SMC3: variants seen among roughly 807,000 people sequenced by gnomAD.
SMC3 encodes structural maintenance of chromosomes protein 3.
Under a neutral mutation model 171.8 loss-of-function variants are expected in SMC3, and 20 were observed. The observed-to-expected ratio is 0.12, with a 90% CI of 0.08 to 0.17. SMC3 has a LOEUF of 0.17. SMC3 is among the 10% of genes least tolerant of loss of function. SMC3 has a pLI of 1.00. For synonymous variants in SMC3, 464 were observed against 451.1 expected (o/e 1.03, Z -0.36); for missense variants, 543 against 1,420.4 (o/e 0.38, Z 9.93).
intron 3 of SMC3, among the ~76,000 whole-genome samples, chr10:110,574,492 G>A (rs967977621): frequency 1.3e-5 from 2 of 152,186 alleles, no homozygotes; most frequent in African/African-American, 4.8e-5. Context: ...TATCTCTTCT[G>A]TGCACACGAA....
At chr10:110,583,983 A>T (rs751697443) in intron 12 of SMC3, 21 bp downstream of exon 12, 10 of 1,612,570 alleles carry the variant, frequency 6.2e-6, no homozygotes, top group Non-Finnish European at 8.5e-6. Flanking sequence ...TTTCACCAAC[A>T]CTTTAACTTT....
intron 7 of SMC3, 83 bp downstream of exon 7, chr10:110,578,789 T>C (rs1309932885): frequency 9.0e-7 from 1 of 1,106,304 alleles, no homozygotes; most frequent in Non-Finnish European, 1.3e-6. Context: ...TTGATTTGAG[T>C]GGTTAAGCTG....
rs368890227 is a variant in SMC3, at chr10:110,604,352, C to T, written c.*50C>T. ...GGGAGATGTATATAGTAATATGATT[C>T]TCATACCCAGGAACTGTAAATTTAA... On this transcript the variant is annotated 3_prime_UTR_variant, in exon 29 of 29. Coordinates refer to ENST00000361804, the MANE Select transcript of SMC3 (RefSeq NM_005445.4). 1.9e-5 allele frequency: 25 copies of T among 1,302,516 alleles called. No individual in the cohort carries two copies. The South Asian group carries it at 2.6e-4, about 14-fold the overall frequency. The allele number at this position is 1,302,516 out of a possible 1,614,324, so 80.7% of individuals were successfully genotyped here.
At chr10:110,590,719 G>A (rs1861193222) in intron 16 of SMC3, 147 bp downstream of exon 16, 1 of 743,232 alleles carries the variant, frequency 1.3e-6, no homozygotes, top group South Asian at 1.9e-5. Flanking sequence ...TAGATGCTAA[G>A]TATTTGTTCC....
rs183318054 is a variant in SMC3 at position 110,590,317 on chromosome 10, A to G, written c.1510-95A>G. On this transcript the variant is annotated intron_variant, in intron 15 of 28. Transcript: ENST00000361804. ...GAGGATGTTTAGTTTAATCACTGGT[A>G]TATTTTTAAAATGTATGGTGTTGTG... 1.2e-4 allele frequency: 128 copies of G among 1,055,844 alleles called. No individual in the cohort carries two copies. In the African/African-American group the frequency reaches 1.7e-3, roughly 14 times the overall value. The allele number at this position is 1,055,844 out of a possible 1,614,324, so 65.4% of individuals were successfully genotyped here.
chr10:110,589,825 A>G, intron 14 of SMC3, 67 bp from the exon 15 acceptor site: 1 of 1,519,350 alleles, frequency 6.6e-7, no homozygotes, highest in East Asian at 2.3e-5. Context: ...TTGATTCTAA[A>G]CTGTATACTG....
chr10:110,585,480 G>A (rs1467235819), intron 13 of SMC3, among the ~76,000 whole-genome samples: 1 of 150,970 alleles, frequency 6.6e-6, no homozygotes, highest in African/African-American at 2.4e-5. Context: ...TAGTAGAGGT[G>A]GGGTTTCACC....
rs750144987 is a variant in SMC3, at chr10:110,567,769, G to T, written c.-48G>T. 6.2e-6 allele frequency: 10 copies of T among 1,612,402 alleles called. No individual in the cohort carries two copies. Among genetic ancestry groups the T allele is most frequent in the Non-Finnish European group, 8.5e-6 (10 of 1,179,160 alleles). On this transcript the variant is annotated 5_prime_UTR_variant, in exon 1 of 29. Transcript: ENST00000361804. Reference sequence around the variant, plus strand: ...GCCTCACCTGACCCTGCGGCCGTGCGGTTGCTGCTCCGGGGCAGGTCTCCT... The same window carrying T: ...GCCTCACCTGACCCTGCGGCCGTGCTGTTGCTGCTCCGGGGCAGGTCTCCT...
rs780621961 is a variant in SMC3, at chr10:110,603,207, C to T, written c.3499C>T (p.His1167Tyr). 1.2e-6 allele frequency: 2 copies of T among 1,607,000 alleles called. No homozygotes were observed. The highest frequency in any genetic ancestry group is 1.3e-5 in the African/African-American group (1 of 74,718). Residue 1167 changes from histidine to tyrosine, a missense_variant, in exon 28 of 29, where the codon CAT becomes TAT. His to Tyr is a moderately conservative substitution (Grantham distance 83). Transcript: ENST00000361804. ...AGATATGATTATGGAACTTGCTGTA[C>T]ATGCTCAGTTTATTACAACTACTTT... ...VSDMIMELAV[H>Y]AQFITTTFRP... is the part of the protein sequence containing the mutation.
chr10:110,570,667 C>T (rs148902867), intron 2 of SMC3, among the ~76,000 whole-genome samples: 1 of 152,232 alleles, frequency 6.6e-6, no homozygotes. Flanking sequence ...TATAAATGAT[C>T]TGTAACTTAC....
At position 110,574,786 on chromosome 10, in the gene SMC3, G is replaced by T. The variant is rs533616531; in HGVS notation, c.131-550G>T. Among the ~76,000 whole-genome samples the T allele has an allele frequency of 7.2e-5, 11 of 152,152 alleles. No homozygotes were observed. In the East Asian group the frequency reaches 7.7e-4, roughly 11 times the overall value. Reference sequence around the variant, plus strand: ...TTCCTAGGCAGGGTGGTCCAGTTAGGTACTCTATACCGAAGTAGGAACGGC... The same window carrying T: ...TTCCTAGGCAGGGTGGTCCAGTTAGTTACTCTATACCGAAGTAGGAACGGC... On this transcript the variant is annotated intron_variant, in intron 3 of 28. Coordinates refer to ENST00000361804, the MANE Select transcript of SMC3 (RefSeq NM_005445.4).
At chr10:110,582,845 T>C (rs375024300) in intron 10 of SMC3, among the ~76,000 whole-genome samples, 5 of 151,524 alleles carry the variant, frequency 3.3e-5, no homozygotes, top group African/African-American at 1.2e-4. Flanking sequence ...TTTTTAAATA[T>C]ATTGTAGAGA....
At chr10:110,588,571 T>G (rs945531069) in intron 13 of SMC3, among the ~76,000 whole-genome samples, 1 of 152,208 alleles carries the variant, frequency 6.6e-6, no homozygotes, top group Non-Finnish European at 1.5e-5. Context: ...TGCTTCCCAG[T>G]AAGGCAAGGA....
intron 7 of SMC3, among the ~76,000 whole-genome samples, chr10:110,580,612 A>T (rs1335901089): frequency 6.6e-6 from 1 of 152,252 alleles, no homozygotes; most frequent in Non-Finnish European, 1.5e-5. Flanking sequence ...AGTCTGAAAT[A>T]CAGAATGCTC....
chr10:110,589,289 A>G (rs545186018), intron 13 of SMC3, among the ~76,000 whole-genome samples: 9 of 152,332 alleles, frequency 5.9e-5, no homozygotes, highest in Admixed American at 3.3e-4. Flanking sequence ...ATTGAGGTAT[A>G]ATTCACATAC....
intron 18 of SMC3, among the ~76,000 whole-genome samples, chr10:110,594,594 T>A (rs1030757362): frequency 1.3e-5 from 2 of 152,148 alleles, no homozygotes; most frequent in Non-Finnish European, 2.9e-5. Context: ...AGATCACAGA[T>A]CTTCTGAATT....
rs1310481145 is a variant in SMC3, at chr10:110,605,379, AAG to A, written c.*1080_*1081del. On this transcript the variant is annotated 3_prime_UTR_variant, in exon 29 of 29. Transcript: ENST00000361804. Reference sequence around the variant, plus strand: ...ATAGACAGTCATGTCATTTGCAAGAAAGAGGCAGTTTTATTTCTTCCTTTTCA... The same window carrying A: ...ATAGACAGTCATGTCATTTGCAAGAAAGGCAGTTTTATTTCTTCCTTTTCA... 6.6e-6 allele frequency among the ~76,000 whole-genome samples: 1 copy of A among 152,210 alleles called. No homozygotes were observed. Among genetic ancestry groups the A allele is most frequent in the African/African-American group, 2.4e-5 (1 of 41,448 alleles).
chr10:110,568,855 A>T, intron 1 of SMC3, 83 bp from the exon 2 acceptor site: 1 of 838,332 alleles, frequency 1.2e-6, no homozygotes. Context: ...ATTGCATTAA[A>T]TGAAAAACAA....
intron 3 of SMC3, 91 bp from the exon 4 acceptor site, chr10:110,575,245 G>T (rs769255200): frequency 8.9e-6 from 8 of 895,496 alleles, no homozygotes; most frequent in African/African-American, 1.6e-5. Flanking sequence ...TCTATTACCA[G>T]ACACACTATG....
Sources: allele counts gnomAD v4.1 joint callset (sites outside exome capture counted in the v4.1 genomes callset), GRCh38; gene constraint gnomAD v4.1.1; transcripts MANE v1.5; gene names NCBI Gene and HGNC (gene_info 2026-07-23, HGNC 2026-07-21).